The following FARS2 variants were observed in gnomAD, a reference collection of about 807,000 sequenced individuals.
FARS2 encodes the protein phenylalanine--tRNA ligase, mitochondrial.
Under a neutral mutation model 46.4 loss-of-function variants are expected in FARS2, and 40 were observed. The ratio of observed to expected loss-of-function variants is 0.86; its 90% CI spans 0.67 to 1.12. FARS2 has a LOEUF of 1.12. Ranked by LOEUF, FARS2 falls within the 50% of genes most tolerant of loss-of-function variation. FARS2 has a pLI of 0.00. For synonymous variants in FARS2, 234 were observed against 214.9 expected, an observed-to-expected ratio of 1.09 and a Z score of -0.78; for missense variants, 513 against 567.9, an observed-to-expected ratio of 0.90 and a Z score of 0.98.
chr6:5,426,276 C>T (rs1762844984), intron 3 of FARS2, among the ~76,000 whole-genome samples: 1 of 152,130 alleles, frequency 6.6e-6, no homozygotes, highest in African/African-American at 2.4e-5. Flanking sequence ...TAGTCTTATG[C>T]ATAATGAATC....
At chr6:5,260,868 C>G, upstream of FARS2, 1 of 1,460,814 alleles carries the variant, frequency 6.8e-7, no homozygotes, top group Non-Finnish European at 9.0e-7. Flanking sequence ...CGGGCCGGGC[C>G]TAAGCCTAAG....
chr6:5,351,545 A>G (rs191773071), intron 1 of FARS2, among the ~76,000 whole-genome samples: 2 of 152,286 alleles, frequency 1.3e-5, no homozygotes, highest in Non-Finnish European at 2.9e-5. Flanking sequence ...AGATTAACTG[A>G]TCCCCCCCAC....
chr6:5,741,565 A>G lies in FARS2; in HGVS notation c.1218-29726A>G, dbSNP rs1001163968. ...CCACGGGACCACTCCCATGGGGTCTATAACCCCTGTGGGTATGCACCAGCA... is the reference window on the plus strand; with the variant it reads ...CCACGGGACCACTCCCATGGGGTCTGTAACCCCTGTGGGTATGCACCAGCA... On this transcript the variant is annotated intron_variant, in intron 6 of 6. Transcript: ENST00000274680. Among the ~76,000 whole-genome samples, 33 of 152,234 alleles carry G rather than the reference A, an allele frequency of 2.2e-4. 1 individual carries two copies. Among genetic ancestry groups the G allele is most frequent in the South Asian group, 2.1e-4 (1 of 4,828 alleles).
chr6:5,584,909 T>C (rs1207847294), intron 5 of FARS2, among the ~76,000 whole-genome samples: 1 of 152,212 alleles, frequency 6.6e-6, no homozygotes, highest in Non-Finnish European at 1.5e-5. Flanking sequence ...TTTCAGTTCC[T>C]TCTTCTCTGA....
chr6:5,474,193 T>G (rs1392690911), intron 4 of FARS2, among the ~76,000 whole-genome samples: 1 of 152,234 alleles, frequency 6.6e-6, no homozygotes, highest in African/African-American at 2.4e-5. Flanking sequence ...ATGTATTAAT[T>G]TCTGCTGGGG....
In FARS2 at chr6:5,285,299, A is replaced by C. The variant is rs73365036; in HGVS notation, c.-22+23639A>C. 6.5e-3 allele frequency among the ~76,000 whole-genome samples: 994 copies of C among 152,174 alleles called. 12 individuals are homozygous for C. Among genetic ancestry groups the C allele is most frequent in the African/African-American group, 0.023 (954 of 41,516 alleles). ...GAGGGGAGCAATAAGCTGGAGGAGG[A>C]GTCCAGAGGGAGAAGGGGAGGAAGG... On this transcript the variant is annotated intron_variant, in intron 1 of 6. Transcript: ENST00000274680.
chr6:5,480,965 G>T (rs1216874639), intron 4 of FARS2, among the ~76,000 whole-genome samples: 2 of 152,236 alleles, frequency 1.3e-5, no homozygotes, highest in African/African-American at 2.4e-5. Context: ...ATTTGTGCAT[G>T]TGCTAGTCTG....
intron 1 of FARS2, among the ~76,000 whole-genome samples, chr6:5,357,080 G>A (rs1172607962): frequency 6.6e-6 from 1 of 152,034 alleles, no homozygotes; most frequent in Non-Finnish European, 1.5e-5. Flanking sequence ...GACTTACCAT[G>A]CATAGAACAG....
At chr6:5,363,567 A>G (rs1032658348) in intron 1 of FARS2, among the ~76,000 whole-genome samples, 1 of 152,146 alleles carries the variant, frequency 6.6e-6, no homozygotes, top group Admixed American at 6.6e-5. Flanking sequence ...GAGTATGTGT[A>G]TATATATGTG....
At chr6:5,434,051 G>A (rs182942143) in intron 4 of FARS2, among the ~76,000 whole-genome samples, 151 of 152,240 alleles carry the variant, frequency 9.9e-4, no homozygotes, top group Admixed American at 2.9e-3. Context: ...TCAGAGATTC[G>A]CAGTGATGGT....
intron 6 of FARS2, among the ~76,000 whole-genome samples, chr6:5,747,643 C>T (rs1458401576): frequency 6.6e-6 from 1 of 152,144 alleles, no homozygotes; most frequent in African/African-American, 2.4e-5. Context: ...GGCTGGATGC[C>T]ACAATGGATG....
chr6:5,738,145 T>A (rs1322763549), intron 6 of FARS2, among the ~76,000 whole-genome samples: 2 of 152,150 alleles, frequency 1.3e-5, no homozygotes, highest in Non-Finnish European at 2.9e-5. Context: ...AGAGACAGGG[T>A]CTCACTATGT....
chr6:5,628,052 G>A (rs940317816), intron 6 of FARS2, among the ~76,000 whole-genome samples: 2 of 152,188 alleles, frequency 1.3e-5, no homozygotes, highest in Non-Finnish European at 2.9e-5. Context: ...AACGAGGTTG[G>A]TCATATCCTA....
intron 5 of FARS2, among the ~76,000 whole-genome samples, chr6:5,590,223 T>G (rs1773836167): frequency 6.6e-6 from 1 of 152,202 alleles, no homozygotes; most frequent in South Asian, 2.1e-4. Flanking sequence ...AGATGACCAG[T>G]GGCCTTTTAT....
At chr6:5,532,726 G>A (rs1769925640) in intron 4 of FARS2, among the ~76,000 whole-genome samples, 1 of 151,904 alleles carries the variant, frequency 6.6e-6, no homozygotes, top group Non-Finnish European at 1.5e-5. Flanking sequence ...ACTCCATCCT[G>A]GGCAACAGTG....
intron 4 of FARS2, among the ~76,000 whole-genome samples, chr6:5,460,201 CAT>C (rs1241919821): frequency 5.9e-5 from 9 of 152,316 alleles, no homozygotes; most frequent in African/African-American, 2.2e-4. Flanking sequence ...AATGCAAACA[CAT>C]ACTCTCTGCA....
intron 6 of FARS2, among the ~76,000 whole-genome samples, chr6:5,690,375 T>A (rs1757604777): frequency 6.6e-6 from 1 of 151,806 alleles, no homozygotes; most frequent in Non-Finnish European, 1.5e-5. Flanking sequence ...CTTCAGGAGC[T>A]CTTTTAGGGC....
chr6:5,368,467 G>A, intron 1 of FARS2, 83 bp from the exon 2 acceptor site: 1 of 1,219,946 alleles, frequency 8.2e-7, no homozygotes, highest in Non-Finnish European at 1.2e-6. Flanking sequence ...AGGACAAGAG[G>A]GAGCTGGTGG....
At chr6:5,548,080 G>A (rs999020709) in intron 5 of FARS2, among the ~76,000 whole-genome samples, 13 of 152,180 alleles carry the variant, frequency 8.5e-5, no homozygotes, top group Non-Finnish European at 1.3e-4. Flanking sequence ...AGAAAATGAT[G>A]AAGAAGCAAA....
Sources: gnomAD v4.1 joint callset for allele counts (sites outside exome capture counted in the v4.1 genomes callset) on GRCh38, gnomAD v4.1.1 for gene constraint, MANE v1.5 for transcripts, NCBI Gene and HGNC (gene_info 2026-07-23, HGNC 2026-07-21) for gene names.